The following PKNOX2 variants were observed in gnomAD, a reference collection of about 807,000 sequenced individuals.
PKNOX2 encodes the protein PBX/knotted 1 homeobox 2, also known as homeobox protein PKNOX2.
Under a neutral mutation model 53.1 loss-of-function variants are expected in PKNOX2, and 14 were observed. The observed-to-expected ratio is 0.26, with a 90% CI of 0.17 to 0.41. The LOEUF is 0.41. Among genes scored for constraint, PKNOX2 ranks in the 10% least tolerant of loss-of-function variants. The pLI, the probability that PKNOX2 is intolerant of heterozygous loss-of-function variation, is 1.00. For missense variants in PKNOX2, 496 were observed against 602.8 expected, an observed-to-expected ratio of 0.82 and a Z score of 1.85; for synonymous variants, 257 against 242.8, an observed-to-expected ratio of 1.06 and a Z score of -0.54.
intron 1 of PKNOX2, among the ~76,000 whole-genome samples, chr11:125,170,045 C>G (rs1473452987): frequency 6.6e-6 from 1 of 152,190 alleles, no homozygotes; most frequent in Admixed American, 6.5e-5. Flanking sequence ...AAGGCAAGGC[C>G]TGAGCCCTGA....
chr11:125,386,279 T>G (rs77171633), intron 6 of PKNOX2, among the ~76,000 whole-genome samples: 1 of 152,336 alleles, frequency 6.6e-6, no homozygotes, highest in Non-Finnish European at 1.5e-5. Flanking sequence ...AACTACAGTT[T>G]TATAAAAATA....
At chr11:125,397,808 G>A in intron 6 of PKNOX2, 66 bp from the exon 7 acceptor site, 1 of 1,496,206 alleles carries the variant, frequency 6.7e-7, no homozygotes, top group Non-Finnish European at 9.1e-7. Context: ...GGTGGGGGCT[G>A]GGGGTCCAGG....
At chr11:125,260,477 G>A (rs998038038) in intron 2 of PKNOX2, among the ~76,000 whole-genome samples, 1 of 151,646 alleles carries the variant, frequency 6.6e-6, no homozygotes, top group African/African-American at 2.4e-5. Flanking sequence ...GATTACAGAC[G>A]TGAGCCACCA....
chr11:125,414,158 C>G lies in PKNOX2; in HGVS notation c.936+2293C>G, dbSNP rs747927038. Among the ~76,000 whole-genome samples the G allele has an allele frequency of 3.9e-5, 6 of 152,092 alleles. No individual in the cohort carries two copies. In the South Asian group the frequency reaches 1.2e-3, roughly 32 times the overall value. On this transcript the variant is annotated intron_variant, in intron 10 of 12. Coordinates refer to ENST00000298282, the MANE Select transcript of PKNOX2 (RefSeq NM_001382323.2). ...CACTCCATGGTCACTTCCACCCAGA[C>G]TTGGGAAGGCAGAGGAAGGGGAGGT...
chr11:125,346,574 C>T (rs1016795711), intron 3 of PKNOX2, among the ~76,000 whole-genome samples: 1 of 152,218 alleles, frequency 6.6e-6, no homozygotes, highest in Non-Finnish European at 1.5e-5. Context: ...ATTCCCTCAT[C>T]CAATCCCAAA....
intron 2 of PKNOX2, among the ~76,000 whole-genome samples, chr11:125,252,694 G>A (rs953768830): frequency 3.3e-5 from 5 of 152,066 alleles, no homozygotes; most frequent in African/African-American, 7.2e-5. Context: ...CCAATGAGAG[G>A]TCCATGTAGC....
chr11:125,241,788 G>A (rs1451990958), intron 2 of PKNOX2, among the ~76,000 whole-genome samples: 1 of 152,196 alleles, frequency 6.6e-6, no homozygotes, highest in Non-Finnish European at 1.5e-5. Flanking sequence ...CCAGGAGGTG[G>A]AGGTTGCAGT....
Position 125,254,092 on chromosome 11 carries a change from G to A in PKNOX2, c.-130+18977G>A, listed in dbSNP as rs184624946. On this transcript the variant is annotated intron_variant, in intron 2 of 12. Coordinates refer to ENST00000298282, the MANE Select transcript of PKNOX2 (RefSeq NM_001382323.2). ...GCGCACACCAGGGAAACAAACAAAT[G>A]GAGATGCGAACCACTTGTGCCATTA... 3.3e-5 allele frequency among the ~76,000 whole-genome samples: 5 copies of A among 152,284 alleles called. No individual in the cohort carries two copies. The East Asian group carries it at 9.6e-4, about 29-fold the overall frequency.
intron 3 of PKNOX2, 31 bp downstream of exon 3, chr11:125,331,956 C>G (rs1262773283): frequency 6.6e-6 from 1 of 152,044 alleles, no homozygotes; most frequent in African/African-American, 2.4e-5. Flanking sequence ...GTTTAACATA[C>G]AGTTACACCC....
At chr11:125,222,664 G>GCTGTGTA (rs1565472887) in intron 1 of PKNOX2, among the ~76,000 whole-genome samples, 21 of 113,872 alleles carry the variant, frequency 1.8e-4, no homozygotes, top group South Asian at 5.6e-4. Flanking sequence ...TGCTGTGTAT[G>GCTGTGTA]TGTGTGTGTA....
At chr11:125,411,037 G>C in intron 9 of PKNOX2, 161 bp downstream of exon 9, 1 of 640,856 alleles carries the variant, frequency 1.6e-6, no homozygotes, top group Non-Finnish European at 2.7e-6. Context: ...CTGGGTCTTG[G>C]AAAGGTTTTA....
At chr11:125,201,989 T>C (rs1402322631) in intron 1 of PKNOX2, among the ~76,000 whole-genome samples, 1 of 152,202 alleles carries the variant, frequency 6.6e-6, no homozygotes, top group African/African-American at 2.4e-5. Context: ...GCCCCCTTCA[T>C]GAAGCCAGAC....
intron 6 of PKNOX2, among the ~76,000 whole-genome samples, chr11:125,396,583 A>ATT (rs1565515600): frequency 1.6e-5 from 2 of 124,974 alleles, no homozygotes; most frequent in African/African-American, 7.3e-5. Flanking sequence ...AAACTTTTAA[A>ATT]AAAAAAAAAA....
intron 2 of PKNOX2, chr11:125,287,876 C>G (rs982047833): frequency 1.3e-5 from 2 of 152,310 alleles, no homozygotes; most frequent in African/African-American, 4.8e-5. Flanking sequence ...GGGCAAGCGA[C>G]TTGGAAGCCA....
rs1019475699 is a variant in PKNOX2 at position 125,389,871 on chromosome 11, G to A, written c.399+4149G>A. 7.9e-5 allele frequency among the ~76,000 whole-genome samples: 12 copies of A among 152,080 alleles called. No homozygotes were observed. In the South Asian group the frequency reaches 8.3e-4, roughly 11 times the overall value. On this transcript the variant is annotated intron_variant, in intron 6 of 12. Coordinates refer to ENST00000298282, the MANE Select transcript of PKNOX2 (RefSeq NM_001382323.2). ...TGGTGTGGCTCGAGGGACAGATTAC[G>A]GCTGCCTGACCGCAAAGCCAGCTCT...
intron 2 of PKNOX2, among the ~76,000 whole-genome samples, chr11:125,282,796 T>A (rs1198933044): frequency 6.6e-6 from 1 of 152,228 alleles, no homozygotes; most frequent in Non-Finnish European, 1.5e-5. Context: ...TAGTCACTAT[T>A]CACATGTAGC....
chr11:125,365,975 A>G (rs1952168853), intron 4 of PKNOX2, among the ~76,000 whole-genome samples: 1 of 152,232 alleles, frequency 6.6e-6, no homozygotes, highest in African/African-American at 2.4e-5. Flanking sequence ...AATCAGTTGC[A>G]TTAGTGAATG....
intron 7 of PKNOX2, among the ~76,000 whole-genome samples, chr11:125,407,236 C>A (rs973678739): frequency 2.6e-5 from 4 of 152,144 alleles, no homozygotes; most frequent in African/African-American, 9.7e-5. Context: ...CCCTTAGTTA[C>A]CCAAATTGGG....
chr11:125,344,996 C>T (rs1346342930), intron 3 of PKNOX2, among the ~76,000 whole-genome samples: 1 of 152,130 alleles, frequency 6.6e-6, no homozygotes, highest in Non-Finnish European at 1.5e-5. Flanking sequence ...CTCCCAGGCC[C>T]CACTCCAAGC....
Sources: allele counts gnomAD v4.1 joint callset (sites outside exome capture counted in the v4.1 genomes callset), GRCh38; gene constraint gnomAD v4.1.1; transcripts MANE v1.5; gene names NCBI Gene and HGNC (gene_info 2026-07-23, HGNC 2026-07-21).